SETD4: variants seen among roughly 807,000 people sequenced by gnomAD.
SETD4 encodes SET domain containing 4.
A neutral mutation model predicts 58.3 loss-of-function variants in SETD4; 46 were observed. That is an observed-to-expected ratio of 0.79 (90% CI 0.62 to 1.01). SETD4 has a LOEUF of 1.01. SETD4 is among the 50% of genes least tolerant of loss of function. SETD4 has a pLI of 0.00. For synonymous variants in SETD4, 190 were observed against 202.6 expected, an observed-to-expected ratio of 0.94 and a Z score of 0.53; for missense variants, 490 against 523.3, an observed-to-expected ratio of 0.94 and a Z score of 0.62.
At position 36,050,298 on chromosome 21, in the gene SETD4, C is replaced by T. The variant is rs534355351; in HGVS notation, c.208-1902G>A. On this transcript the variant is annotated intron_variant, in intron 4 of 11. Transcript: ENST00000332131. ...AGACTATCCTCAAACAGAGATTTTACGAGCATTAAAGGCCAAATGTTGTGA... is the reference window on the plus strand; with the variant it reads ...AGACTATCCTCAAACAGAGATTTTATGAGCATTAAAGGCCAAATGTTGTGA... 34 of 1,605,872 alleles carry T rather than the reference C, an allele frequency of 2.1e-5. No individual in the cohort carries two copies. The East Asian group carries it at 2.9e-4, about 14-fold the overall frequency.
At chr21:36,038,475 A>G (rs951170178) in intron 9 of SETD4, among the ~76,000 whole-genome samples, 4 of 152,122 alleles carry the variant, frequency 2.6e-5, no homozygotes, top group African/African-American at 9.7e-5. Flanking sequence ...GAGGAGGAGG[A>G]GCTGAGAATA....
chr21:36,052,557 C>CAA (rs35631970), intron 4 of SETD4, among the ~76,000 whole-genome samples: 40 of 50,232 alleles, frequency 8.0e-4, no homozygotes, highest in Non-Finnish European at 7.4e-4. Flanking sequence ...GACTCTGTCT[C>CAA]AAAAAAAAAA....
At chr21:36,059,870 C>T (rs1244232910) in intron 1 of SETD4, 5 of 985,380 alleles carry the variant, frequency 5.1e-6, no homozygotes, top group South Asian at 4.7e-5. Flanking sequence ...GCGGCTGGTT[C>T]GGTGCGGGTC....
In SETD4 at chr21:36,059,969, C is replaced by T. The variant is rs1391638446; in HGVS notation, c.-37+378G>A. 3.0e-6 allele frequency: 3 copies of T among 985,580 alleles called. No individual in the cohort carries two copies. In the African/African-American group the frequency reaches 5.2e-5, roughly 17 times the overall value. The allele number at this position is 985,580 out of a possible 1,614,324, so 61.1% of individuals were successfully genotyped here. On this transcript the variant is annotated intron_variant, in intron 1 of 11. Transcript: ENST00000332131. ...CTGTCCACCATCACCCTGCTGAGGA[C>T]CACGTGAAGCCCGGTGACCGCCACA...
chr21:36,058,695 G>A, intron 2 of SETD4, 121 bp downstream of exon 2: 1 of 1,168,356 alleles, frequency 8.6e-7, no homozygotes, highest in South Asian at 1.6e-5. Flanking sequence ...TCCAGCCTGG[G>A]TGACAGAGCG....
chr21:36,056,986 A>G, intron 3 of SETD4, 123 bp downstream of exon 3: 1 of 757,684 alleles, frequency 1.3e-6, no homozygotes. Flanking sequence ...CTCCAACCCA[A>G]GGGGAACACA....
chr21:36,047,834 C>CAA (rs34827028), intron 5 of SETD4, among the ~76,000 whole-genome samples: 7,633 of 70,774 alleles, frequency 0.11, 345 homozygotes, highest in African/African-American at 0.12. Context: ...ACTAAAAATA[C>CAA]AAAAAAAAAA....
intron 6 of SETD4, among the ~76,000 whole-genome samples, chr21:36,045,051 A>G (rs1405328330): frequency 1.3e-5 from 2 of 152,310 alleles, no homozygotes; most frequent in Non-Finnish European, 2.9e-5. Context: ...CATCCATTCA[A>G]TAAACATTTA....
chr21:36,043,953 T>C lies in SETD4; in HGVS notation c.730A>G (p.Lys244Glu), dbSNP rs1225266325. 6.2e-7 allele frequency: 1 copy of C among 1,613,746 alleles called. No homozygotes were observed. Among genetic ancestry groups the C allele is most frequent in the Non-Finnish European group, 8.5e-7 (1 of 1,179,948 alleles). The change falls in exon 7 of 12, where the codon AAA becomes GAA. Residue 244 changes from lysine to glutamate, a missense_variant. By Grantham distance (56) the Lys-to-Glu change is moderately conservative. Coordinates refer to ENST00000332131, the MANE Select transcript of SETD4 (RefSeq NM_017438.5). ...TGAGTTTCTTCATTAAACGCTGCTT[T>C]TACCTAGAAAGAAAAACTGTTAAGG... is the stretch of plus-strand genomic sequence containing the variant. ...LLNHSPHVQV[K>E]AAFNEETHSY...
intron 2 of SETD4, among the ~76,000 whole-genome samples, chr21:36,058,358 G>A (rs956533423): frequency 1.3e-5 from 2 of 151,944 alleles, no homozygotes; most frequent in African/African-American, 2.4e-5. Flanking sequence ...AACATTAGCC[G>A]GGTGCAGTGG....
intron 10 of SETD4, chr21:36,036,699 G>C: frequency 1.1e-6 from 1 of 879,148 alleles, no homozygotes; most frequent in Non-Finnish European, 1.4e-6. Context: ...ACACATCAAT[G>C]AGAAAGAATG....
chr21:36,039,879 G>A (rs1167792452), intron 9 of SETD4, among the ~76,000 whole-genome samples: 1 of 152,236 alleles, frequency 6.6e-6, no homozygotes, highest in Non-Finnish European at 1.5e-5. Flanking sequence ...CTGCTCCCAG[G>A]CACTGTGCCT....
At chr21:36,046,047 T>C in intron 5 of SETD4, 36 bp from the exon 6 acceptor site, 2 of 1,588,822 alleles carry the variant, frequency 1.3e-6, no homozygotes. Context: ...AGGAATTACT[T>C]TGATTCAAAA....
At chr21:36,041,951 T>A (rs1348770586) in intron 7 of SETD4, 63 bp from the exon 8 acceptor site, 2 of 854,952 alleles carry the variant, frequency 2.3e-6, no homozygotes, top group Non-Finnish European at 3.6e-6. Context: ...ATGTCTCCCT[T>A]CCCTTCTCAA....
At position 36,045,765 on chromosome 21, in the gene SETD4, C is replaced by A. The variant is rs1261655760; in HGVS notation, c.543G>T (p.Gln181His). 6.2e-7 allele frequency: 1 copy of A among 1,614,220 alleles called. No homozygotes were observed. Among genetic ancestry groups the A allele is most frequent in the East Asian group, 2.2e-5 (1 of 44,876 alleles). Residue 181 changes from glutamine to histidine, a missense_variant, in exon 6 of 12, where the codon CAG becomes CAT. By Grantham distance (24) the Gln-to-His change is conservative. Coordinates refer to ENST00000332131, the MANE Select transcript of SETD4 (RefSeq NM_017438.5). ...ASSRDFFSSL[Q>H]PLFAEAVDSI... ...TGTCAACAGCCTCCGCAAACAGAGG[C>A]TGCAGAGAAGAGAAAAAGTCTCTGG...
intron 3 of SETD4, 23 bp downstream of exon 3, chr21:36,057,086 G>A (rs755843836): frequency 1.2e-6 from 2 of 1,602,496 alleles, no homozygotes; most frequent in Admixed American, 1.7e-5. Flanking sequence ...GAAAGGGCAG[G>A]ACAGCTGAAG....
intron 3 of SETD4, among the ~76,000 whole-genome samples, chr21:36,056,125 T>C (rs991680486): frequency 1.1e-4 from 16 of 152,186 alleles, no homozygotes; most frequent in Non-Finnish European, 5.9e-5. Flanking sequence ...AGCATTTTAG[T>C]TCAAAGTCAT....
At chr21:36,041,922 C>A in intron 7 of SETD4, 34 bp from the exon 8 acceptor site, 1 of 1,218,250 alleles carries the variant, frequency 8.2e-7, no homozygotes, top group Non-Finnish European at 1.1e-6. Flanking sequence ...ACTGTTAGGG[C>A]ATAAATTTGG....
intron 7 of SETD4, chr21:36,042,357 G>C (rs1205692304): frequency 2.0e-5 from 3 of 152,118 alleles, no homozygotes; most frequent in African/African-American, 7.2e-5. Context: ...TGGAGAAGCA[G>C]GGTAATAAGG....
Sources: allele counts gnomAD v4.1 joint callset (sites outside exome capture counted in the v4.1 genomes callset), GRCh38; gene constraint gnomAD v4.1.1; transcripts MANE v1.5; gene names NCBI Gene and HGNC (gene_info 2026-07-23, HGNC 2026-07-21).